The following SLC8A1 variants were observed in gnomAD, a reference collection of about 807,000 sequenced individuals.
The protein encoded by SLC8A1 is sodium/calcium exchanger 1.
In SLC8A1, 18 loss-of-function variants were observed where a neutral mutation model predicts 68.3. That is an observed-to-expected ratio of 0.26 (90% CI 0.18 to 0.39). SLC8A1 has a LOEUF of 0.39. Ranked by LOEUF, SLC8A1 falls within the 10% of genes least tolerant of loss-of-function variation. The pLI, the probability that SLC8A1 is intolerant of heterozygous loss-of-function variation, is 1.00. For missense variants in SLC8A1, 985 were observed against 1,156.7 expected (o/e 0.85, Z 2.15); for synonymous variants, 475 against 415.5 (o/e 1.14, Z -1.74).
At chr2:40,184,898 C>CAAAAAAAAAAAAAAAAAAAAAAAAA (rs66662572) in intron 2 of SLC8A1, among the ~76,000 whole-genome samples, 8 of 106,518 alleles carry the variant, frequency 7.5e-5, no homozygotes, top group South Asian at 3.3e-4. Flanking sequence ...TAACCAAAAA[C>CAAAAAAAAAAAAAAAAAAAAAAAAA]AAAAAAAAAA....
At chr2:40,426,895 T>G (rs2149773837) in intron 2 of SLC8A1, among the ~76,000 whole-genome samples, 1 of 152,114 alleles carries the variant, frequency 6.6e-6, no homozygotes, top group South Asian at 2.1e-4. Flanking sequence ...AGCAAAGGAA[T>G]AAAGTTCATT....
intron 2 of SLC8A1, among the ~76,000 whole-genome samples, chr2:40,373,001 C>A (rs1484590283): frequency 6.6e-6 from 1 of 151,546 alleles, no homozygotes; most frequent in African/African-American, 2.4e-5. Flanking sequence ...GCCTTGCAAT[C>A]CCCGTCAAAA....
At chr2:40,285,381 T>A (rs1327464932) in intron 2 of SLC8A1, among the ~76,000 whole-genome samples, 1 of 152,212 alleles carries the variant, frequency 6.6e-6, no homozygotes, top group Non-Finnish European at 1.5e-5. Context: ...AAGAGCATCA[T>A]AAACTATGGG....
intron 2 of SLC8A1, among the ~76,000 whole-genome samples, chr2:40,258,159 A>G (rs1444898998): frequency 6.6e-6 from 1 of 152,212 alleles, no homozygotes; most frequent in Non-Finnish European, 1.5e-5. Flanking sequence ...ATCTCTAAAC[A>G]GTGACATTTT....
intron 2 of SLC8A1, among the ~76,000 whole-genome samples, chr2:40,390,866 T>TA (rs146431933): frequency 0.028 from 4,200 of 152,216 alleles, 90 homozygotes; most frequent in Non-Finnish European, 0.041. Context: ...CCCAATTTGA[T>TA]AGACATTTTA....
chr2:40,475,220 G>A (rs1190454899), intron 1 of SLC8A1, among the ~76,000 whole-genome samples: 3 of 152,184 alleles, frequency 2.0e-5, no homozygotes, highest in South Asian at 2.1e-4. Flanking sequence ...TGCAAGCTCC[G>A]TCTCCCGGGT....
chr2:40,321,375 A>G (rs1172577715), intron 2 of SLC8A1, among the ~76,000 whole-genome samples: 1 of 152,112 alleles, frequency 6.6e-6, no homozygotes, highest in Non-Finnish European at 1.5e-5. Flanking sequence ...CAGAAAAGAA[A>G]CTAAACCTCA....
chr2:40,122,573 T>C (rs1000506599), intron 7 of SLC8A1, among the ~76,000 whole-genome samples: 9 of 152,158 alleles, frequency 5.9e-5, no homozygotes, highest in African/African-American at 2.2e-4. Context: ...GGACAACTTT[T>C]GAAAACATGA....
intron 2 of SLC8A1, among the ~76,000 whole-genome samples, chr2:40,267,957 T>C (rs34111255): frequency 0.029 from 4,480 of 152,262 alleles, 95 homozygotes; most frequent in Non-Finnish European, 0.049. Context: ...CCCTTTTCTG[T>C]TGAGCACTTA....
chr2:40,369,197 T>G (rs1446884553), intron 2 of SLC8A1, among the ~76,000 whole-genome samples: 2 of 152,066 alleles, frequency 1.3e-5, no homozygotes, highest in African/African-American at 4.8e-5. Context: ...GGGATCTAAT[T>G]AAACTAAAGA....
exon 8 of SLC8A1, chr2:40,104,570 A>T (rs893160392): frequency 1.3e-5 from 2 of 152,216 alleles, no homozygotes; most frequent in Admixed American, 6.5e-5. Flanking sequence ...AATTGATAAA[A>T]TGTAGACCAA....
chr2:40,444,865 A>C (rs1265342974), intron 1 of SLC8A1, among the ~76,000 whole-genome samples: 1 of 152,160 alleles, frequency 6.6e-6, no homozygotes, highest in Admixed American at 6.5e-5. Flanking sequence ...ACAAAGCCAG[A>C]AATACTGACT....
intron 4 of SLC8A1, among the ~76,000 whole-genome samples, chr2:40,170,842 G>C (rs1273682513): frequency 6.6e-6 from 1 of 152,202 alleles, no homozygotes; most frequent in Non-Finnish European, 1.5e-5. Flanking sequence ...ATATAGCCTT[G>C]TGTAGGCCAT....
intron 7 of SLC8A1, among the ~76,000 whole-genome samples, chr2:40,118,078 C>T (rs566777976): frequency 1.3e-5 from 2 of 152,328 alleles, no homozygotes; most frequent in Admixed American, 1.3e-4. Flanking sequence ...ATGCTAGGCA[C>T]TATGCTACAC....
intron 2 of SLC8A1, among the ~76,000 whole-genome samples, chr2:40,365,037 T>C (rs372806479): frequency 6.6e-6 from 1 of 152,048 alleles, no homozygotes; most frequent in Non-Finnish European, 1.5e-5. Flanking sequence ...TTGCATGGCA[T>C]GTATTCTTTC....
intron 2 of SLC8A1, among the ~76,000 whole-genome samples, chr2:40,427,942 C>T (rs1697306978): frequency 6.6e-6 from 1 of 152,094 alleles, no homozygotes; most frequent in African/African-American, 2.4e-5. Context: ...TAAGCAGAAA[C>T]ATTAACTTAT....
At chr2:40,500,486 G>A (rs1170946943) in intron 1 of SLC8A1, among the ~76,000 whole-genome samples, 1 of 152,020 alleles carries the variant, frequency 6.6e-6, no homozygotes, top group East Asian at 1.9e-4. Context: ...ACCCGTAGTT[G>A]CTAGTTTGTT....
At chr2:40,222,399 A>G (rs567562054) in intron 2 of SLC8A1, among the ~76,000 whole-genome samples, 4 of 152,156 alleles carry the variant, frequency 2.6e-5, no homozygotes, top group Non-Finnish European at 5.9e-5. Context: ...AGACTTCAGC[A>G]TAAGACCTAA....
chr2:40,462,559 A>G (rs1014542555), intron 1 of SLC8A1, among the ~76,000 whole-genome samples: 8 of 151,738 alleles, frequency 5.3e-5, no homozygotes, highest in South Asian at 2.1e-4. Context: ...CTGTAATCCC[A>G]GCACCTTGGG....
Sources: allele counts gnomAD v4.1 joint callset (sites outside exome capture counted in the v4.1 genomes callset), GRCh38; gene constraint gnomAD v4.1.1; transcripts MANE v1.5; gene names NCBI Gene and HGNC (gene_info 2026-07-23, HGNC 2026-07-21).